Variants in FHOD3 observed in about 807,000 individuals in gnomAD.
FHOD3 encodes the protein FH1/FH2 domain-containing protein 3.
Under a neutral mutation model 173.0 loss-of-function variants are expected in FHOD3, and 90 were observed. The ratio of observed to expected loss-of-function variants is 0.52; its 90% confidence interval spans 0.44 to 0.62. The LOEUF is 0.62. Ranked by LOEUF, FHOD3 falls within the 20% of genes least tolerant of loss-of-function variation. The pLI is 0.00. For synonymous variants in FHOD3, 828 were observed against 823.0 expected (o/e 1.01, Z -0.10); for missense variants, 1,945 against 2,034.7 (o/e 0.96, Z 0.85).
intron 6 of FHOD3, among the ~76,000 whole-genome samples, chr18:36,587,954 G>A (rs1447426678): frequency 4.6e-5 from 7 of 152,206 alleles, no homozygotes; most frequent in African/African-American, 4.8e-5. Flanking sequence ...TGTGTCATAA[G>A]CAGGTTGGCC....
intron 6 of FHOD3, among the ~76,000 whole-genome samples, chr18:36,588,002 C>T (rs2059097515): frequency 6.6e-6 from 1 of 152,206 alleles, no homozygotes; most frequent in Non-Finnish European, 1.5e-5. Context: ...GTTCGGTGCT[C>T]ATGACTTCCT....
intron 1 of FHOD3, among the ~76,000 whole-genome samples, chr18:36,318,132 T>C (rs2044219253): frequency 7.7e-6 from 1 of 129,362 alleles, no homozygotes; most frequent in South Asian, 2.1e-4. Context: ...TATAGCCTTG[T>C]AGTATAGTTT....
At chr18:36,614,317 G>A (rs373281291) in intron 9 of FHOD3, among the ~76,000 whole-genome samples, 9 of 152,292 alleles carry the variant, frequency 5.9e-5, no homozygotes, top group African/African-American at 2.2e-4. Flanking sequence ...ACCTACGTTT[G>A]CAGAATCACT....
chr18:36,493,213 C>CTTTTTTTTTTTTTTTTTTTT (rs60189688), intron 3 of FHOD3, among the ~76,000 whole-genome samples: 1 of 138,160 alleles, frequency 7.2e-6, no homozygotes, highest in African/African-American at 2.7e-5. Flanking sequence ...TTTTCTTTTT[C>CTTTTTTTTTTTTTTTTTTTT]TTTTTTTTTT....
intron 19 of FHOD3, among the ~76,000 whole-genome samples, chr18:36,725,051 G>A (rs1437268811): frequency 6.6e-6 from 1 of 152,180 alleles, no homozygotes; most frequent in African/African-American, 2.4e-5. Flanking sequence ...ACTATCTCAT[G>A]TCCGCCTTTT....
chr18:36,617,186 A>G (rs1409059751), intron 9 of FHOD3, among the ~76,000 whole-genome samples: 1 of 152,232 alleles, frequency 6.6e-6, no homozygotes, highest in African/African-American at 2.4e-5. Context: ...TAGATAGTCT[A>G]GTTAATTCGC....
intron 3 of FHOD3, among the ~76,000 whole-genome samples, chr18:36,411,451 T>C (rs1257238140): frequency 6.6e-6 from 1 of 152,240 alleles, no homozygotes; most frequent in African/African-American, 2.4e-5. Context: ...TATTTGAAAC[T>C]AACATTCATA....
intron 14 of FHOD3, among the ~76,000 whole-genome samples, chr18:36,668,874 T>C (rs1431836752): frequency 2.0e-5 from 3 of 152,042 alleles, no homozygotes; most frequent in African/African-American, 7.2e-5. Context: ...ACTTTTAAAT[T>C]TATTGATATT....
At chr18:36,529,378 T>C (rs2056677179) in intron 5 of FHOD3, among the ~76,000 whole-genome samples, 1 of 152,224 alleles carries the variant, frequency 6.6e-6, no homozygotes, top group South Asian at 2.1e-4. Context: ...TTGGGAACAG[T>C]CTCCTTGAGT....
At chr18:36,693,145 A>C in intron 16 of FHOD3, 64 bp from the exon 17 acceptor site, 1 of 1,487,624 alleles carries the variant, frequency 6.7e-7, no homozygotes, top group Non-Finnish European at 9.2e-7. Context: ...TTTCATCCAT[A>C]AACAAGCATC....
intron 5 of FHOD3, among the ~76,000 whole-genome samples, chr18:36,527,210 A>G (rs1282252472): frequency 6.6e-6 from 1 of 152,206 alleles, no homozygotes; most frequent in Non-Finnish European, 1.5e-5. Flanking sequence ...CTCGTGGGCA[A>G]TGCTGTTGTA....
chr18:36,532,132 C>A (rs993642086), intron 5 of FHOD3, among the ~76,000 whole-genome samples: 6 of 152,232 alleles, frequency 3.9e-5, no homozygotes, highest in African/African-American at 1.4e-4. Context: ...CCTCCCAGGC[C>A]TCAAGTTGTA....
intron 3 of FHOD3, among the ~76,000 whole-genome samples, chr18:36,444,933 G>A (rs2143977963): frequency 6.6e-6 from 1 of 152,306 alleles, no homozygotes; most frequent in East Asian, 1.9e-4. Flanking sequence ...TCACGTTGTT[G>A]GAGGTATATT....
intron 5 of FHOD3, among the ~76,000 whole-genome samples, chr18:36,528,642 G>T (rs1447604162): frequency 6.6e-6 from 1 of 152,134 alleles, no homozygotes; most frequent in Non-Finnish European, 1.5e-5. Flanking sequence ...TGGCCCTCTG[G>T]ATACTGGGCA....
chr18:36,705,346 C>T (rs1364250899), intron 17 of FHOD3, among the ~76,000 whole-genome samples: 2 of 152,204 alleles, frequency 1.3e-5, no homozygotes, highest in South Asian at 4.1e-4. Flanking sequence ...GCATTCTCAG[C>T]ATTTCCCCCC....
intron 1 of FHOD3, among the ~76,000 whole-genome samples, chr18:36,316,977 G>T (rs1436250116): frequency 6.7e-6 from 1 of 149,524 alleles, no homozygotes; most frequent in Non-Finnish European, 1.5e-5. Flanking sequence ...TGCAGTGTTT[G>T]GTTTTCTGTC....
chr18:36,527,606 C>G (rs1323239850), intron 5 of FHOD3, among the ~76,000 whole-genome samples: 1 of 152,172 alleles, frequency 6.6e-6, no homozygotes, highest in Non-Finnish European at 1.5e-5. Flanking sequence ...GCTTCTGGGT[C>G]TGAGACCCTG....
At chr18:36,570,948 A>C (rs1009510564) in intron 5 of FHOD3, among the ~76,000 whole-genome samples, 4 of 152,130 alleles carry the variant, frequency 2.6e-5, no homozygotes, top group Non-Finnish European at 5.9e-5. Context: ...TTTCTCCCTA[A>C]TATTAGGAAC....
intron 3 of FHOD3, among the ~76,000 whole-genome samples, chr18:36,386,710 C>G (rs762860493): frequency 6.6e-6 from 1 of 152,202 alleles, no homozygotes; most frequent in Non-Finnish European, 1.5e-5. Context: ...GGCAGCTGGG[C>G]TGCAAGTTCT....
Sources: gnomAD v4.1 joint callset for allele counts (sites outside exome capture counted in the v4.1 genomes callset) on GRCh38, gnomAD v4.1.1 for gene constraint, MANE v1.5 for transcripts, NCBI Gene and HGNC (gene_info 2026-07-23, HGNC 2026-07-21) for gene names.